Variants in HS6ST3 observed in about 807,000 individuals in gnomAD.
The protein encoded by HS6ST3 is heparan-sulfate 6-O-sulfotransferase 3.
In HS6ST3, 12 loss-of-function variants were observed where a neutral mutation model predicts 36.7. The observed-to-expected ratio is 0.33, with a 90% CI of 0.21 to 0.53. HS6ST3 has a LOEUF of 0.53. Ranked by LOEUF, HS6ST3 falls within the 20% of genes least tolerant of loss-of-function variation. The pLI is 0.95. For missense variants in HS6ST3, 584 were observed against 640.9 expected (o/e 0.91, Z 0.96); for synonymous variants, 240 against 257.5 (o/e 0.93, Z 0.65).
chr13:96,103,597 C>T (rs2053827732), intron 1 of HS6ST3, among the ~76,000 whole-genome samples: 3 of 152,062 alleles, frequency 2.0e-5, no homozygotes, highest in South Asian at 4.1e-4. Context: ...GAGAAAATGA[C>T]TACGAAGGCA....
rs942488593 is a variant in HS6ST3, at chr13:96,834,866, T to G, written c.*1668T>G. The G allele has an allele frequency of 6.6e-6, 1 of 152,576 alleles. No individual in the cohort carries two copies. Among genetic ancestry groups the G allele is most frequent in the East Asian group, 1.9e-4 (1 of 5,188 alleles). 9.5% of individuals were successfully genotyped at this position (152,576 alleles called of 1,614,324 possible). Reference sequence around the variant, plus strand: ...GTCCAGCAGCTCCACCAGATAGAGATCTGGAGATGCTTCTCTCACTGTGCT... The same window carrying G: ...GTCCAGCAGCTCCACCAGATAGAGAGCTGGAGATGCTTCTCTCACTGTGCT... On this transcript the variant is annotated 3_prime_UTR_variant, in exon 2 of 2. Transcript: ENST00000376705.
intron 1 of HS6ST3, among the ~76,000 whole-genome samples, chr13:96,330,716 C>A (rs1289900925): frequency 2.0e-5 from 3 of 149,316 alleles, no homozygotes; most frequent in Admixed American, 2.0e-4. Flanking sequence ...TTTCCTGAAT[C>A]TGAACGTTGG....
intron 1 of HS6ST3, among the ~76,000 whole-genome samples, chr13:96,716,093 G>A (rs1002247535): frequency 6.6e-6 from 1 of 151,626 alleles, no homozygotes; most frequent in African/African-American, 2.4e-5. Flanking sequence ...CATTCAAGCA[G>A]CAAATTATAG....
chr13:96,111,774 A>G (rs2053869320), intron 1 of HS6ST3, among the ~76,000 whole-genome samples: 1 of 152,326 alleles, frequency 6.6e-6, no homozygotes, highest in South Asian at 2.1e-4. Context: ...AAGATATAAA[A>G]TATAAGGGAA....
chr13:96,569,639 C>T (rs1054001347), intron 1 of HS6ST3, among the ~76,000 whole-genome samples: 3 of 151,970 alleles, frequency 2.0e-5, no homozygotes, highest in South Asian at 2.1e-4. Context: ...TCATAACACC[C>T]ACATTTTCCT....
chr13:96,558,415 A>T (rs944809683), intron 1 of HS6ST3, among the ~76,000 whole-genome samples: 4 of 152,202 alleles, frequency 2.6e-5, no homozygotes, highest in Admixed American at 6.5e-5. Flanking sequence ...TTTCAGAGAG[A>T]TTTACTAACT....
intron 1 of HS6ST3, among the ~76,000 whole-genome samples, chr13:96,412,191 G>T (rs905753687): frequency 2.0e-5 from 3 of 152,040 alleles, no homozygotes; most frequent in African/African-American, 7.2e-5. Flanking sequence ...TTTTAGTAGA[G>T]ACGGGGTTTT....
chr13:96,501,334 T>A (rs544266453), intron 1 of HS6ST3, among the ~76,000 whole-genome samples: 7 of 152,344 alleles, frequency 4.6e-5, no homozygotes, highest in African/African-American at 1.7e-4. Context: ...TGCCCACTAC[T>A]GTAATATACT....
chr13:96,578,147 A>G (rs1188031067), intron 1 of HS6ST3, among the ~76,000 whole-genome samples: 1 of 152,194 alleles, frequency 6.6e-6, no homozygotes, highest in Non-Finnish European at 1.5e-5. Context: ...CAAGTCCAGC[A>G]ATGGAAATGC....
Position 96,653,778 on chromosome 13 carries a change from C to T in HS6ST3, c.708-178712C>T, listed in dbSNP as rs183009001. On this transcript the variant is annotated intron_variant, in intron 1 of 1. Transcript: ENST00000376705. ...TTCTGGTTCTAGATCCTTAAGGAAT[C>T]GCCACACTGTCTACCACAATGGTTG... 5.3e-4 allele frequency among the ~76,000 whole-genome samples: 80 copies of T among 152,240 alleles called. 1 individual carries two copies. Among genetic ancestry groups the T allele is most frequent in the Middle Eastern group, 3.4e-3 (1 of 294 alleles).
intron 1 of HS6ST3, among the ~76,000 whole-genome samples, chr13:96,297,812 CT>C (rs1281049235): frequency 6.6e-6 from 1 of 152,088 alleles, no homozygotes; most frequent in East Asian, 1.9e-4. Context: ...CATTCATAAG[CT>C]CGCATACTCA....
intron 1 of HS6ST3, among the ~76,000 whole-genome samples, chr13:96,609,635 C>T (rs1220505424): frequency 6.6e-6 from 1 of 152,158 alleles, no homozygotes; most frequent in Non-Finnish European, 1.5e-5. Context: ...TGTCTCCCAT[C>T]TTGTGCCAGA....
chr13:96,260,211 T>C lies in HS6ST3; in HGVS notation c.707+168642T>C, dbSNP rs1459368663. On this transcript the variant is annotated intron_variant, in intron 1 of 1. Transcript: ENST00000376705. ...GGCCTTTGAAATATTTTCTTTTTGC[T>C]GGGTGCATTTATTTTTTCCCTTCCT... Among the ~76,000 whole-genome samples the C allele has an allele frequency of 2.0e-5, 3 of 152,154 alleles. No homozygotes were observed. The East Asian group carries it at 5.8e-4, about 29-fold the overall frequency.
At chr13:96,696,573 C>T (rs1011419925) in intron 1 of HS6ST3, among the ~76,000 whole-genome samples, 4 of 152,122 alleles carry the variant, frequency 2.6e-5, no homozygotes, top group Admixed American at 2.0e-4. Context: ...CTGGCCGATC[C>T]CCAGGAACAG....
chr13:96,764,255 C>T (rs1464537380), intron 1 of HS6ST3, among the ~76,000 whole-genome samples: 2 of 152,070 alleles, frequency 1.3e-5, no homozygotes, highest in African/African-American at 4.8e-5. Flanking sequence ...AATTCTGTAA[C>T]AAGAAACTAG....
chr13:96,584,644 T>A (rs2056354170), intron 1 of HS6ST3, among the ~76,000 whole-genome samples: 1 of 152,186 alleles, frequency 6.6e-6, no homozygotes, highest in African/African-American at 2.4e-5. Flanking sequence ...TTAAGTGGCA[T>A]AACAATGAAT....
intron 1 of HS6ST3, among the ~76,000 whole-genome samples, chr13:96,751,778 A>ATATACATATATACATATGTGTGTATGTG (rs1876706276): frequency 6.6e-6 from 1 of 151,692 alleles, no homozygotes; most frequent in Non-Finnish European, 1.5e-5. Context: ...ATATGTGTAC[A>ATATACATATATACATATGTGTGTATGTG]TATACATATA....
At chr13:96,194,523 A>T (rs1220418290) in intron 1 of HS6ST3, among the ~76,000 whole-genome samples, 1 of 152,134 alleles carries the variant, frequency 6.6e-6, no homozygotes, top group Non-Finnish European at 1.5e-5. Context: ...ATATGATGTG[A>T]TATCTTGATA....
At position 96,704,855 on chromosome 13, in the gene HS6ST3, T is replaced by A. The variant is rs112935173; in HGVS notation, c.708-127635T>A. On this transcript the variant is annotated intron_variant, in intron 1 of 1. Transcript: ENST00000376705. ...GGGATGGGGAGGCAGCTGTTAAGGG[T>A]CCAAGTTGCCTGGGATTCCATAGGG... Among the ~76,000 whole-genome samples the A allele has an allele frequency of 7.2e-4, 109 of 152,276 alleles. 2 individuals are homozygous for A. Among genetic ancestry groups the A allele is most frequent in the African/African-American group, 2.5e-3 (103 of 41,552 alleles).
Sources: allele counts gnomAD v4.1 joint callset (sites outside exome capture counted in the v4.1 genomes callset), GRCh38; gene constraint gnomAD v4.1.1; transcripts MANE v1.5; gene names NCBI Gene and HGNC (gene_info 2026-07-23, HGNC 2026-07-21).